GALNTL6: variants seen among roughly 807,000 people sequenced by gnomAD.
The protein encoded by GALNTL6 is polypeptide N-acetylgalactosaminyltransferase like 6.
A neutral mutation model predicts 73.7 loss-of-function variants in GALNTL6; 46 were observed. That is an observed-to-expected ratio of 0.62 (90% CI 0.49 to 0.80). GALNTL6 has a LOEUF of 0.80. Ranked by LOEUF, GALNTL6 falls within the 30% of genes least tolerant of loss-of-function variation. The pLI is 0.00. For missense variants in GALNTL6, 604 were observed against 755.0 expected (o/e 0.80, Z 2.34); for synonymous variants, 259 against 263.7 (o/e 0.98, Z 0.17).
chr4:171,949,922 T>G (rs914807182), intron 2 of GALNTL6, among the ~76,000 whole-genome samples: 2 of 152,116 alleles, frequency 1.3e-5, no homozygotes, highest in Non-Finnish European at 2.9e-5. Context: ...GGGGACAATA[T>G]TAAAAGAGAT....
intron 5 of GALNTL6, among the ~76,000 whole-genome samples, chr4:172,737,945 G>A (rs1036236377): frequency 6.6e-6 from 1 of 152,144 alleles, no homozygotes; most frequent in Non-Finnish European, 1.5e-5. Context: ...ATTATAAAGA[G>A]GGGACCTGGG....
chr4:172,583,412 T>C (rs1220984601), intron 5 of GALNTL6, among the ~76,000 whole-genome samples: 1 of 152,232 alleles, frequency 6.6e-6, no homozygotes, highest in Non-Finnish European at 1.5e-5. Context: ...TAGAAACAGA[T>C]GATTCAAAAA....
At chr4:172,702,550 G>T (rs1579361753) in intron 5 of GALNTL6, among the ~76,000 whole-genome samples, 1 of 151,734 alleles carries the variant, frequency 6.6e-6, no homozygotes, top group East Asian at 1.9e-4. Context: ...ATGTGACAGT[G>T]GGGCGGGACC....
At chr4:172,190,787 A>G (rs1181498496) in intron 2 of GALNTL6, among the ~76,000 whole-genome samples, 1 of 152,232 alleles carries the variant, frequency 6.6e-6, no homozygotes, top group Non-Finnish European at 1.5e-5. Context: ...TGAAGCAGTA[A>G]CTTTGTCCAC....
chr4:172,999,602 C>A (rs1235781022), intron 10 of GALNTL6, among the ~76,000 whole-genome samples: 2 of 152,070 alleles, frequency 1.3e-5, no homozygotes, highest in African/African-American at 4.8e-5. Flanking sequence ...GCATTTCTTA[C>A]CCTGACCCAT....
intron 3 of GALNTL6, among the ~76,000 whole-genome samples, chr4:172,277,375 G>C (rs760394200): frequency 1.3e-5 from 2 of 152,044 alleles, no homozygotes; most frequent in Admixed American, 6.6e-5. Context: ...CTTAACACTG[G>C]GTCTGTTGTT....
chr4:172,940,694 G>A (rs1291690797), intron 9 of GALNTL6, among the ~76,000 whole-genome samples: 3 of 151,798 alleles, frequency 2.0e-5, no homozygotes, highest in African/African-American at 7.3e-5. Context: ...ATTATTTAGA[G>A]ACAGGGTCTC....
rs905343889 is a variant in GALNTL6 at position 172,200,591 on chromosome 4, G to T, written c.139-29065G>T. 6.2e-4 allele frequency among the ~76,000 whole-genome samples: 94 copies of T among 152,136 alleles called. 1 individual carries two copies. The highest frequency in any genetic ancestry group is 2.2e-3 in the African/African-American group (91 of 41,434). ...GTGCACTGATGCAGATGGCAAGATA[G>T]AATTTAGACTTTATGTAGTAGATAA... On this transcript the variant is annotated intron_variant, in intron 2 of 12. Transcript: ENST00000506823.
intron 9 of GALNTL6, among the ~76,000 whole-genome samples, chr4:172,947,497 T>C (rs1749221335): frequency 6.6e-6 from 1 of 152,110 alleles, no homozygotes; most frequent in Admixed American, 6.6e-5. Context: ...CCTCTAGAGA[T>C]GCAACATCTG....
rs930281529 is a variant in GALNTL6, at chr4:171,914,290, T to C, written c.138+99572T>C. On this transcript the variant is annotated intron_variant, in intron 2 of 12. Coordinates refer to ENST00000506823, the MANE Select transcript of GALNTL6 (RefSeq NM_001034845.3). ...TACTTAAAAAGAAAGAGACCTATATTCCACTGGTTGACAGTGGTTATCCCG... is the reference window on the plus strand; with the variant it reads ...TACTTAAAAAGAAAGAGACCTATATCCCACTGGTTGACAGTGGTTATCCCG... Among the ~76,000 whole-genome samples, 90 of 152,198 alleles carry C rather than the reference T, an allele frequency of 5.9e-4. 1 individual carries two copies. Among genetic ancestry groups the C allele is most frequent in the South Asian group, 4.1e-4 (2 of 4,824 alleles).
At chr4:171,924,329 G>A (rs1737905927) in intron 2 of GALNTL6, among the ~76,000 whole-genome samples, 1 of 152,034 alleles carries the variant, frequency 6.6e-6, no homozygotes, top group African/African-American at 2.4e-5. Flanking sequence ...CAGTTTCACA[G>A]GAGCATGAGA....
In GALNTL6 at chr4:172,806,462, A is replaced by T. The variant is rs73871837; in HGVS notation, c.554-2899A>T. On this transcript the variant is annotated intron_variant, in intron 5 of 12. Transcript: ENST00000506823. ...TAGAGAATTTCTTATAAACCAAAGAATACAAAAGTCTAAATCCAAAGTTGG... is the reference window on the plus strand; with the variant it reads ...TAGAGAATTTCTTATAAACCAAAGATTACAAAAGTCTAAATCCAAAGTTGG... Among the ~76,000 whole-genome samples the T allele has an allele frequency of 7.7e-3, 1,173 of 152,336 alleles. 17 individuals carry two copies. The highest frequency in any genetic ancestry group is 0.027 in the African/African-American group (1,105 of 41,572).
intron 5 of GALNTL6, among the ~76,000 whole-genome samples, chr4:172,479,447 C>T (rs1438861141): frequency 1.3e-5 from 2 of 152,142 alleles, no homozygotes; most frequent in African/African-American, 4.8e-5. Flanking sequence ...GGAGGTTTTC[C>T]TAAGTGAAGT....
At chr4:172,735,060 C>A (rs1736379814) in intron 5 of GALNTL6, among the ~76,000 whole-genome samples, 1 of 152,216 alleles carries the variant, frequency 6.6e-6, no homozygotes, top group Non-Finnish European at 1.5e-5. Flanking sequence ...GGAGCACCCA[C>A]ACAGAGTCCC....
chr4:171,994,219 C>A (rs1740420293), intron 2 of GALNTL6, among the ~76,000 whole-genome samples: 1 of 152,012 alleles, frequency 6.6e-6, no homozygotes, highest in Admixed American at 6.6e-5. Flanking sequence ...TGATTTCAGA[C>A]CACACCCAGA....
chr4:172,008,628 C>T (rs929397709), intron 2 of GALNTL6, among the ~76,000 whole-genome samples: 5 of 152,104 alleles, frequency 3.3e-5, no homozygotes, highest in Non-Finnish European at 7.4e-5. Context: ...TAAGAACAAA[C>T]GAACCACCTT....
intron 2 of GALNTL6, among the ~76,000 whole-genome samples, chr4:172,175,974 G>C (rs1734977057): frequency 6.6e-6 from 1 of 152,072 alleles, no homozygotes; most frequent in Non-Finnish European, 1.5e-5. Flanking sequence ...ATGATGGATT[G>C]ACTTTTAAAA....
intron 5 of GALNTL6, chr4:172,380,037 A>T: frequency 2.1e-6 from 2 of 959,160 alleles, no homozygotes; most frequent in Admixed American, 1.8e-5. Context: ...TTTAAATATT[A>T]TTCATGGCAT....
intron 10 of GALNTL6, among the ~76,000 whole-genome samples, chr4:173,000,549 A>T (rs1247613880): frequency 6.6e-6 from 1 of 152,194 alleles, no homozygotes; most frequent in Non-Finnish European, 1.5e-5. Context: ...AAATAGAAAA[A>T]CCCATCCTAA....
Sources: gnomAD v4.1 joint callset for allele counts (sites outside exome capture counted in the v4.1 genomes callset) on GRCh38, gnomAD v4.1.1 for gene constraint, MANE v1.5 for transcripts, NCBI Gene and HGNC (gene_info 2026-07-23, HGNC 2026-07-21) for gene names.